The following RBMS3 variants were observed in gnomAD, a reference collection of about 807,000 sequenced individuals.
RBMS3 encodes RNA binding motif single stranded interacting protein 3.
A neutral mutation model predicts 66.8 loss-of-function variants in RBMS3; 27 were observed. That is an observed-to-expected ratio of 0.40 (90% CI 0.30 to 0.56). RBMS3 has a LOEUF of 0.56. Among genes scored for constraint, RBMS3 ranks in the 20% least tolerant of loss-of-function variants. RBMS3 has a pLI of 0.40. For missense variants in RBMS3, 513 were observed against 549.5 expected, an observed-to-expected ratio of 0.93 and a Z score of 0.66; for synonymous variants, 188 against 183.0, an observed-to-expected ratio of 1.03 and a Z score of -0.22.
chr3:29,960,961 C>A (rs894184324), intron 12 of RBMS3, among the ~76,000 whole-genome samples: 2 of 152,132 alleles, frequency 1.3e-5, no homozygotes, highest in Non-Finnish European at 2.9e-5. Flanking sequence ...GACATTTTTC[C>A]CATTGTCTTG....
At chr3:29,645,713 G>A (rs183392732) in intron 4 of RBMS3, among the ~76,000 whole-genome samples, 72 of 152,278 alleles carry the variant, frequency 4.7e-4, no homozygotes, top group African/African-American at 1.6e-3. Flanking sequence ...CTTTGGGTTT[G>A]TGCTAATTTT....
At position 29,755,824 on chromosome 3, in the gene RBMS3, CA is replaced by C. The variant is rs537303215; in HGVS notation, c.558-7082del. ...CAGAACCCAATGGAAAACCAGTAAA[CA>C]AAAGAACTAAGATTACACAGTCGAT... On this transcript the variant is annotated intron_variant, in intron 5 of 14. Transcript: ENST00000383767. Among the ~76,000 whole-genome samples the C allele has an allele frequency of 2.2e-3, 330 of 152,192 alleles. 2 individuals are homozygous for C. The highest frequency in any genetic ancestry group is 7.4e-3 in the African/African-American group (306 of 41,514).
At chr3:29,964,206 G>A (rs1696674945) in intron 12 of RBMS3, among the ~76,000 whole-genome samples, 1 of 152,196 alleles carries the variant, frequency 6.6e-6, no homozygotes, top group African/African-American at 2.4e-5. Flanking sequence ...CAGAAATTAT[G>A]TGAAGTATCT....
intron 8 of RBMS3, among the ~76,000 whole-genome samples, chr3:29,888,796 C>T (rs1479790557): frequency 6.6e-6 from 1 of 151,590 alleles, no homozygotes; most frequent in Non-Finnish European, 1.5e-5. Context: ...CCTCAGGACT[C>T]TTTCTTATCC....
At chr3:29,665,970 A>G (rs1473425564) in intron 4 of RBMS3, among the ~76,000 whole-genome samples, 1 of 152,118 alleles carries the variant, frequency 6.6e-6, no homozygotes, top group Non-Finnish European at 1.5e-5. Context: ...AATAATCTAA[A>G]AGGCTCGTCT....
At chr3:29,758,888 A>G (rs2055540865) in intron 5 of RBMS3, among the ~76,000 whole-genome samples, 1 of 152,178 alleles carries the variant, frequency 6.6e-6, no homozygotes, top group South Asian at 2.1e-4. Context: ...CTAAGTTGCC[A>G]ATAATTTGTA....
At chr3:29,773,079 A>G (rs899089924) in intron 6 of RBMS3, among the ~76,000 whole-genome samples, 1 of 152,034 alleles carries the variant, frequency 6.6e-6, no homozygotes, top group African/African-American at 2.4e-5. Flanking sequence ...CTTGCTTTCA[A>G]TAATTCCTAT....
chr3:29,995,424 A>C (rs1263885467), intron 14 of RBMS3, among the ~76,000 whole-genome samples: 1 of 152,060 alleles, frequency 6.6e-6, no homozygotes, highest in African/African-American at 2.4e-5. Context: ...CGCCACAAAG[A>C]TACTCCTCGA....
Position 30,005,976 on chromosome 3 carries a change from T to G in RBMS3, c.*2114T>G, listed in dbSNP as rs1174063092. On this transcript the variant is annotated 3_prime_UTR_variant, in exon 15 of 15. Transcript: ENST00000383767. ...TAAATTGACCCACCTGTAAAATATA[T>G]CTACATTTTTAATTCATGAGATGAT... 6.6e-6 allele frequency: 1 copy of G among 151,898 alleles called. No homozygotes were observed. Among genetic ancestry groups the G allele is most frequent in the African/African-American group, 2.4e-5 (1 of 41,404 alleles). 9.4% of individuals were successfully genotyped at this position (151,898 alleles called of 1,614,324 possible). A position where few individuals can be genotyped will look rare whatever the true frequency, so the allele number is the denominator to read the frequency against.
At chr3:29,783,450 A>T (rs1447545034) in intron 6 of RBMS3, among the ~76,000 whole-genome samples, 1 of 152,154 alleles carries the variant, frequency 6.6e-6, no homozygotes, top group African/African-American at 2.4e-5. Context: ...AGCAAAATTA[A>T]GCTTTGTAAA....
chr3:29,823,812 G>A lies in RBMS3; in HGVS notation c.638-45046G>A, dbSNP rs182963828. Reference sequence around the variant, plus strand: ...TGTAGGAATGAAATGAAACTGTTGGGAATTGTTATTTTATACCTAGGAATG... The same window carrying A: ...TGTAGGAATGAAATGAAACTGTTGGAAATTGTTATTTTATACCTAGGAATG... On this transcript the variant is annotated intron_variant, in intron 6 of 14. Coordinates refer to ENST00000383767, the MANE Select transcript of RBMS3 (RefSeq NM_001003793.3). Among the ~76,000 whole-genome samples, 102 of 152,178 alleles carry A rather than the reference G, an allele frequency of 6.7e-4. 1 individual carries two copies. Among genetic ancestry groups the A allele is most frequent in the Non-Finnish European group, 9.7e-4 (66 of 68,010 alleles).
At chr3:29,869,172 C>A (rs1326935659) in intron 7 of RBMS3, among the ~76,000 whole-genome samples, 2 of 152,140 alleles carry the variant, frequency 1.3e-5, no homozygotes, top group African/African-American at 4.8e-5. Context: ...CAGTTCTGCA[C>A]TACAGCAAGT....
chr3:29,439,043 G>A (rs1335079797), intron 2 of RBMS3, among the ~76,000 whole-genome samples: 3 of 152,134 alleles, frequency 2.0e-5, no homozygotes, highest in Non-Finnish European at 4.4e-5. Context: ...AAGTGGAAGA[G>A]CAGCCAGGTA....
intron 4 of RBMS3, among the ~76,000 whole-genome samples, chr3:29,627,179 G>C (rs558937188): frequency 6.6e-6 from 1 of 152,180 alleles, no homozygotes; most frequent in African/African-American, 2.4e-5. Context: ...GCAGCAATTG[G>C]CATTAAAGTG....
chr3:29,701,112 A>G (rs1384162692), intron 4 of RBMS3, among the ~76,000 whole-genome samples: 1 of 152,100 alleles, frequency 6.6e-6, no homozygotes, highest in Non-Finnish European at 1.5e-5. Context: ...CCCAGTCTCT[A>G]CTAAAAATAC....
intron 1 of RBMS3, among the ~76,000 whole-genome samples, chr3:29,317,291 G>A (rs1300860991): frequency 2.0e-5 from 3 of 151,846 alleles, no homozygotes; most frequent in South Asian, 2.1e-4. Context: ...ACTGGTGAAA[G>A]AATTTTTTTA....
chr3:29,931,886 A>G (rs986731048), intron 10 of RBMS3, among the ~76,000 whole-genome samples: 1 of 152,162 alleles, frequency 6.6e-6, no homozygotes, highest in Admixed American at 6.5e-5. Context: ...GTGACTTAAA[A>G]CCACCTTTTT....
At chr3:29,704,075 G>T (rs2052759710) in intron 4 of RBMS3, among the ~76,000 whole-genome samples, 1 of 152,168 alleles carries the variant, frequency 6.6e-6, no homozygotes, top group African/African-American at 2.4e-5. Context: ...CTGTCTAGTT[G>T]CAGGAAAACA....
intron 6 of RBMS3, among the ~76,000 whole-genome samples, chr3:29,818,186 T>C (rs1253963771): frequency 6.6e-6 from 1 of 152,146 alleles, no homozygotes; most frequent in African/African-American, 2.4e-5. Flanking sequence ...TATTTTTCAC[T>C]GAAAATCTTA....
Sources: gnomAD v4.1 joint callset for allele counts (sites outside exome capture counted in the v4.1 genomes callset) on GRCh38, gnomAD v4.1.1 for gene constraint, MANE v1.5 for transcripts, NCBI Gene and HGNC (gene_info 2026-07-23, HGNC 2026-07-21) for gene names.